Variants in GRAMD1B observed in about 807,000 individuals in gnomAD.
The protein encoded by GRAMD1B is GRAM domain containing 1B.
A neutral mutation model predicts 99.7 loss-of-function variants in GRAMD1B; 37 were observed. That is an observed-to-expected ratio of 0.37 (90% CI 0.29 to 0.49). GRAMD1B has a LOEUF of 0.49. Among genes scored for constraint, GRAMD1B ranks in the 20% least tolerant of loss-of-function variants. The pLI is 0.98. For missense variants in GRAMD1B, 888 were observed against 1,009.2 expected, an observed-to-expected ratio of 0.88 and a Z score of 1.63; for synonymous variants, 427 against 387.6, an observed-to-expected ratio of 1.10 and a Z score of -1.19.
intron 2 of GRAMD1B, among the ~76,000 whole-genome samples, chr11:123,482,330 C>T (rs546360019): frequency 1.3e-5 from 2 of 152,216 alleles, no homozygotes; most frequent in South Asian, 4.1e-4. Context: ...AACTCCTGGC[C>T]TCAAGTGATT....
chr11:123,532,803 A>C (rs1943534592), intron 2 of GRAMD1B, among the ~76,000 whole-genome samples: 1 of 152,214 alleles, frequency 6.6e-6, no homozygotes, highest in Admixed American at 6.5e-5. Flanking sequence ...CAGGCATACC[A>C]ATTTGTTTAT....
chr11:123,529,844 C>T (rs750549875), intron 2 of GRAMD1B, among the ~76,000 whole-genome samples: 1 of 152,146 alleles, frequency 6.6e-6, no homozygotes, highest in Non-Finnish European at 1.5e-5. Flanking sequence ...ACTAGGCAGA[C>T]TGTAGTGACA....
At chr11:123,516,200 C>T (rs1941655209) in intron 2 of GRAMD1B, among the ~76,000 whole-genome samples, 1 of 152,190 alleles carries the variant, frequency 6.6e-6, no homozygotes, top group Non-Finnish European at 1.5e-5. Context: ...TAGCTAGTGG[C>T]TTAGTGCATG....
At chr11:123,578,095 GC>G in intron 3 of GRAMD1B, among the ~76,000 whole-genome samples, 1 of 152,250 alleles carries the variant, frequency 6.6e-6, no homozygotes, top group South Asian at 2.1e-4. Flanking sequence ...TGTCAGGACT[GC>G]CCCCTGAGTA....
chr11:123,403,296 G>A (rs994756546), intron 1 of GRAMD1B, among the ~76,000 whole-genome samples: 3 of 151,642 alleles, frequency 2.0e-5, no homozygotes, highest in African/African-American at 7.3e-5. Context: ...GCGTGATGGT[G>A]CATGCCTGTA....
In GRAMD1B at chr11:123,608,806, C is replaced by G. The variant is rs2306971; in HGVS notation, c.1657+4C>G. ...ATGGAGCAGCGGCGCTTCTCTGGTC[C>G]GTTCTGCTGGGACTGTACCCCCCAT... On this transcript the variant is annotated splice_donor_region_variant and intron_variant, in intron 12 of 19. Coordinates refer to ENST00000635736, the MANE Select transcript of GRAMD1B (RefSeq NM_001387025.1). The G allele has an allele frequency of 2.5e-5, 39 of 1,533,788 alleles. No homozygotes were observed. The highest frequency in any genetic ancestry group is 3.3e-5 in the Non-Finnish European group (37 of 1,133,484).
At chr11:123,609,727 G>A (rs1033909121) in intron 12 of GRAMD1B, 68 bp from the exon 13 acceptor site, 7 of 937,530 alleles carry the variant, frequency 7.5e-6, no homozygotes, top group Non-Finnish European at 1.2e-5. Context: ...TCACTTGGAG[G>A]GGAAACTTGG....
chr11:123,446,732 C>G (rs780892358), intron 1 of GRAMD1B, among the ~76,000 whole-genome samples: 1 of 152,026 alleles, frequency 6.6e-6, no homozygotes, highest in Non-Finnish European at 1.5e-5. Context: ...ACTTATTGTG[C>G]GCTTACTGGG....
intron 1 of GRAMD1B, among the ~76,000 whole-genome samples, chr11:123,403,465 TAATAATAATAA>T (rs1484392886): frequency 6.8e-6 from 1 of 147,368 alleles, no homozygotes; most frequent in Non-Finnish European, 1.5e-5. Context: ...ATAATAATAA[TAATAATAATAA>T]TAATAATAAT....
intron 1 of GRAMD1B, among the ~76,000 whole-genome samples, chr11:123,382,056 T>C (rs1443176324): frequency 6.6e-6 from 1 of 152,166 alleles, no homozygotes; most frequent in South Asian, 2.1e-4. Flanking sequence ...AAAGTGAAAC[T>C]GAGGTGGTTT....
chr11:123,585,155 C>A (rs938269303), intron 4 of GRAMD1B, among the ~76,000 whole-genome samples: 4 of 152,176 alleles, frequency 2.6e-5, no homozygotes, highest in Non-Finnish European at 4.4e-5. Flanking sequence ...CCTGGGAAAG[C>A]CATCTTTGCC....
chr11:123,584,258 C>T, intron 3 of GRAMD1B, 54 bp from the exon 4 acceptor site: 1 of 833,038 alleles, frequency 1.2e-6, no homozygotes. Context: ...CCTGGCCCTT[C>T]CCCCCATTTC....
chr11:123,427,101 G>A (rs957120658), upstream of GRAMD1B, among the ~76,000 whole-genome samples: 2 of 152,196 alleles, frequency 1.3e-5, no homozygotes, highest in African/African-American at 4.8e-5. Context: ...AGAACTGTGC[G>A]GTCGCTGAGA....
exon 1 of GRAMD1B, chr11:123,358,590 C>A (rs965513548): frequency 1.3e-5 from 2 of 152,152 alleles, no homozygotes; most frequent in African/African-American, 4.8e-5. Context: ...GAGCCGGGCT[C>A]CAGCACGACC....
intron 17 of GRAMD1B, among the ~76,000 whole-genome samples, chr11:123,615,579 G>A (rs1954259077): frequency 6.6e-6 from 1 of 152,236 alleles, no homozygotes; most frequent in Non-Finnish European, 1.5e-5. Flanking sequence ...CAGCTACTCA[G>A]GAGGCTGAGG....
chr11:123,450,335 A>G (rs947935405), intron 1 of GRAMD1B, among the ~76,000 whole-genome samples: 1 of 152,212 alleles, frequency 6.6e-6, no homozygotes, highest in Non-Finnish European at 1.5e-5. Context: ...CTGCAGGGGA[A>G]GAGGATTTTG....
chr11:123,542,810 G>GC (rs1944668065), intron 2 of GRAMD1B, among the ~76,000 whole-genome samples: 1 of 152,106 alleles, frequency 6.6e-6, no homozygotes, highest in African/African-American at 2.4e-5. Context: ...GTGCCACCAT[G>GC]CCCGGCTAAT....
At chr11:123,573,730 C>T (rs551816537) in intron 2 of GRAMD1B, among the ~76,000 whole-genome samples, 3 of 152,248 alleles carry the variant, frequency 2.0e-5, no homozygotes, top group South Asian at 2.1e-4. Flanking sequence ...AATAAGTACT[C>T]GGTGCTGCAC....
At chr11:123,559,677 T>C in intron 2 of GRAMD1B, 1 of 985,284 alleles carries the variant, frequency 1.0e-6, no homozygotes, top group South Asian at 4.7e-5. Flanking sequence ...CAGACGACTC[T>C]GCTTTGCCAC....
Sources: allele counts gnomAD v4.1 joint callset (sites outside exome capture counted in the v4.1 genomes callset), GRCh38; gene constraint gnomAD v4.1.1; transcripts MANE v1.5; gene names NCBI Gene and HGNC (gene_info 2026-07-23, HGNC 2026-07-21).